Variants in PAWR observed in about 807,000 individuals in gnomAD.
PAWR encodes the protein PRKC apoptosis WT1 regulator protein.
In PAWR, 23 loss-of-function variants were observed where a neutral mutation model predicts 32.0. The ratio of observed to expected loss-of-function variants is 0.72; its 90% confidence interval spans 0.52 to 1.02. PAWR has a LOEUF of 1.02. PAWR is among the 50% of genes least tolerant of loss of function. The probability of loss-of-function intolerance (pLI) is 0.00; values close to 1 mark genes in which losing one functional copy is unlikely to be tolerated. For synonymous variants in PAWR, 226 were observed against 187.1 expected (o/e 1.21, Z -1.70); for missense variants, 457 against 437.7 (o/e 1.04, Z -0.39).
chr12:79,611,211 ACTTATAGATATTTATATATAAAT>A (rs1874423480), intron 4 of PAWR, among the ~76,000 whole-genome samples: 1 of 146,054 alleles, frequency 6.8e-6, no homozygotes, highest in Non-Finnish European at 1.5e-5. Context: ...TATATATAAA[ACTTATAGATATTTATATATAAAT>A]CTTATACAGT....
intron 2 of PAWR, among the ~76,000 whole-genome samples, chr12:79,640,677 G>T (rs1019013574): frequency 6.6e-6 from 1 of 152,132 alleles, no homozygotes; most frequent in East Asian, 1.9e-4. Context: ...GGAAGTCCAG[G>T]ATGAGGCTGC....
At chr12:79,622,796 T>C (rs1320171263) in intron 2 of PAWR, among the ~76,000 whole-genome samples, 1 of 152,058 alleles carries the variant, frequency 6.6e-6, no homozygotes, top group Non-Finnish European at 1.5e-5. Flanking sequence ...TATTGCTGAG[T>C]CTAAACTGTT....
At chr12:79,688,187 T>C (rs575092419) in intron 2 of PAWR, among the ~76,000 whole-genome samples, 1 of 150,672 alleles carries the variant, frequency 6.6e-6, no homozygotes, top group South Asian at 2.1e-4. Context: ...TCTCACAAGA[T>C]ACACTCTACT....
In PAWR at chr12:79,671,699, T is replaced by C. The variant is rs144395442; in HGVS notation, c.516+18030A>G. ...TGATAATTAAATAAGCTTATACATG[T>C]AATGAACTTAGAACAATGCCTAGCA... is the stretch of plus-strand genomic sequence containing the variant. On this transcript the variant is annotated intron_variant, in intron 2 of 6. Transcript: ENST00000328827. Among the ~76,000 whole-genome samples the C allele has an allele frequency of 1.8e-4, 28 of 152,322 alleles. No individual in the cohort carries two copies. The East Asian group carries it at 5.0e-3, about 27-fold the overall frequency.
rs1870377655 is a variant in PAWR at position 79,632,320 on chromosome 12, T to TATATATAC, written c.517-11114_517-11113insGTATATAT. Reference sequence around the variant, plus strand: ...ACATATATATATACATACATATATATATATATATATATATATATATATATA... The same window carrying TATATATAC: ...ACATATATATATACATACATATATATATATATACATATATATATATATATATATATATA... On this transcript the variant is annotated intron_variant, in intron 2 of 6. Coordinates refer to ENST00000328827, the MANE Select transcript of PAWR (RefSeq NM_002583.4). Among the ~76,000 whole-genome samples the TATATATAC allele has an allele frequency of 1.1e-4, 3 of 27,864 alleles. 1 individual carries two copies. The African/African-American group carries it at 2.0e-3, about 18-fold the overall frequency. 18.3% of individuals were successfully genotyped at this position (27,864 alleles called of 152,430 possible). A position where few individuals can be genotyped will look rare whatever the true frequency, so the allele number is the denominator to read the frequency against.
At chr12:79,649,594 C>G (rs1876744548) in intron 2 of PAWR, among the ~76,000 whole-genome samples, 2 of 151,882 alleles carry the variant, frequency 1.3e-5, no homozygotes, top group African/African-American at 4.8e-5. Context: ...CAAGACCAGC[C>G]CGGTGCAACA....
chr12:79,620,297 C>T (rs1004235906), intron 3 of PAWR, among the ~76,000 whole-genome samples: 1 of 152,172 alleles, frequency 6.6e-6, no homozygotes, highest in Non-Finnish European at 1.5e-5. Flanking sequence ...CCCTTCCTTT[C>T]CTGAATAATT....
chr12:79,627,712 G>A (rs1048914518), intron 2 of PAWR, among the ~76,000 whole-genome samples: 1 of 152,048 alleles, frequency 6.6e-6, no homozygotes, highest in African/African-American at 2.4e-5. Flanking sequence ...AGACAAAGAA[G>A]GCCAATACAT....
chr12:79,593,701 GTTTT>G (rs537217082), intron 6 of PAWR, among the ~76,000 whole-genome samples: 1 of 126,808 alleles, frequency 7.9e-6, no homozygotes. Flanking sequence ...CAATTTTAGG[GTTTT>G]TTTTTTTTTT....
intron 4 of PAWR, among the ~76,000 whole-genome samples, chr12:79,612,665 T>C (rs772153802): frequency 4.1e-4 from 63 of 152,190 alleles, no homozygotes; most frequent in Non-Finnish European, 7.3e-4. Flanking sequence ...ATCATGAGAA[T>C]TGAAAGAACT....
At chr12:79,658,988 A>G (rs1877222665) in intron 2 of PAWR, among the ~76,000 whole-genome samples, 1 of 151,432 alleles carries the variant, frequency 6.6e-6, no homozygotes, top group Non-Finnish European at 1.5e-5. Flanking sequence ...AAAAAAAAAA[A>G]GAAAAAGAAA....
intron 4 of PAWR, among the ~76,000 whole-genome samples, chr12:79,605,999 A>AC (rs1299053079): frequency 6.6e-6 from 1 of 152,126 alleles, no homozygotes; most frequent in Non-Finnish European, 1.5e-5. Context: ...ACTTGAACCC[A>AC]CAACGCGGGG....
At chr12:79,613,646 T>A in intron 3 of PAWR, 37 bp from the exon 4 acceptor site, 1 of 1,189,808 alleles carries the variant, frequency 8.4e-7, no homozygotes, top group Non-Finnish European at 1.2e-6. Flanking sequence ...AGTTTGAGTA[T>A]GTATGTACAC....
intron 2 of PAWR, among the ~76,000 whole-genome samples, chr12:79,641,906 A>G (rs1876345575): frequency 1.3e-5 from 2 of 151,406 alleles, no homozygotes; most frequent in Non-Finnish European, 2.9e-5. Context: ...AAGCTACATA[A>G]TAACTCCTTT....
intron 3 of PAWR, among the ~76,000 whole-genome samples, chr12:79,617,983 C>G (rs999319956): frequency 6.6e-6 from 1 of 152,124 alleles, no homozygotes; most frequent in Admixed American, 6.5e-5. Context: ...AAGCTGAGCA[C>G]ATGTTGATGC....
In PAWR at chr12:79,637,001, T is replaced by C. The variant is rs572776457; in HGVS notation, c.517-15794A>G. 7.9e-5 allele frequency among the ~76,000 whole-genome samples: 12 copies of C among 152,100 alleles called. 1 individual carries two copies. In the East Asian group the frequency reaches 2.3e-3, roughly 29 times the overall value. On this transcript the variant is annotated intron_variant, in intron 2 of 6. Transcript: ENST00000328827. ...AAATTACGAATCAGAATGAGAAAAA[T>C]AACTACAATAGAACTAAAATGAAAT... is the stretch of plus-strand genomic sequence containing the variant.
chr12:79,593,023 TC>T (rs1180258635), intron 6 of PAWR, among the ~76,000 whole-genome samples: 2 of 150,818 alleles, frequency 1.3e-5, no homozygotes, highest in Non-Finnish European at 3.0e-5. Context: ...CCACTTCCCC[TC>T]CCTAAAACTG....
chr12:79,628,927 A>T (rs2136737208), intron 2 of PAWR, among the ~76,000 whole-genome samples: 1 of 152,260 alleles, frequency 6.6e-6, no homozygotes, highest in East Asian at 1.9e-4. Flanking sequence ...ATGGTATAAT[A>T]TTACATAAAA....
chr12:79,623,628 A>G (rs1344982496), intron 2 of PAWR, among the ~76,000 whole-genome samples: 8 of 135,462 alleles, frequency 5.9e-5, no homozygotes, highest in African/African-American at 7.8e-5. Flanking sequence ...GAAAAAAGCT[A>G]TAAGACTTTA....
Sources: gnomAD v4.1 joint callset for allele counts (sites outside exome capture counted in the v4.1 genomes callset) on GRCh38, gnomAD v4.1.1 for gene constraint, MANE v1.5 for transcripts, NCBI Gene and HGNC (gene_info 2026-07-23, HGNC 2026-07-21) for gene names.